CCR3: variants seen among roughly 807,000 people sequenced by gnomAD.
The protein encoded by CCR3 is C-C motif chemokine receptor 3.
For synonymous variants in CCR3, 203 were observed against 179.2 expected, an observed-to-expected ratio of 1.13 and a Z score of -1.06; for missense variants, 419 against 437.5, an observed-to-expected ratio of 0.96 and a Z score of 0.38.
intron 1 of CCR3, among the ~76,000 whole-genome samples, chr3:46,261,013 A>G (rs1700516801): frequency 6.6e-6 from 1 of 152,120 alleles, no homozygotes; most frequent in African/African-American, 2.4e-5. Flanking sequence ...TCTCCCTCCT[A>G]CTTTCTATGT....
chr3:46,211,733 GCA>G (rs1194222163), intron 2 of CCR3, among the ~76,000 whole-genome samples: 1 of 151,954 alleles, frequency 6.6e-6, no homozygotes, highest in Non-Finnish European at 1.5e-5. Flanking sequence ...TAGAACACAC[GCA>G]CACACACACT....
chr3:46,232,214 C>A (rs924025158), intron 2 of CCR3, among the ~76,000 whole-genome samples: 2 of 152,170 alleles, frequency 1.3e-5, no homozygotes, highest in African/African-American at 4.8e-5. Flanking sequence ...AGCAACAACA[C>A]AATCCCTCAC....
intron 2 of CCR3, among the ~76,000 whole-genome samples, chr3:46,222,729 C>T (rs1699851285): frequency 6.6e-6 from 1 of 152,194 alleles, no homozygotes; most frequent in African/African-American, 2.4e-5. Context: ...TTTTATTTAC[C>T]GCTTGTCAGA....
chr3:46,237,615 A>C (rs1304992028), upstream of CCR3, among the ~76,000 whole-genome samples: 1 of 152,168 alleles, frequency 6.6e-6, no homozygotes, highest in Non-Finnish European at 1.5e-5. Context: ...ATTTTTGTGA[A>C]AGATAGGGGT....
intron 2 of CCR3, among the ~76,000 whole-genome samples, chr3:46,230,444 C>T (rs1056182954): frequency 1.3e-5 from 2 of 152,078 alleles, no homozygotes; most frequent in Non-Finnish European, 2.9e-5. Context: ...GCCACATCAA[C>T]GGACCTCCAG....
chr3:46,242,963 G>GTATATATATATATATACACACA (rs1700112348), intron 1 of CCR3, among the ~76,000 whole-genome samples: 2 of 86,298 alleles, frequency 2.3e-5, no homozygotes, highest in Non-Finnish European at 4.4e-5. Context: ...ATATATATGT[G>GTATATATATATATATACACACA]TATATATATA....
chr3:46,247,594 G>A (rs1700221716), intron 1 of CCR3, among the ~76,000 whole-genome samples: 2 of 152,250 alleles, frequency 1.3e-5, no homozygotes, highest in Admixed American at 6.5e-5. Flanking sequence ...AAAACTGCTT[G>A]GCTGATTTGA....
At chr3:46,223,917 G>A (rs1457119633) in intron 2 of CCR3, among the ~76,000 whole-genome samples, 5 of 152,100 alleles carry the variant, frequency 3.3e-5, no homozygotes, top group Admixed American at 6.5e-5. Flanking sequence ...CAGAGGTGTC[G>A]GTAAATAGAG....
intron 2 of CCR3, among the ~76,000 whole-genome samples, chr3:46,217,111 G>A (rs1343673675): frequency 6.6e-6 from 1 of 152,088 alleles, no homozygotes; most frequent in Non-Finnish European, 1.5e-5. Context: ...AAAGTGAGGG[G>A]GAGGGAAGAC....
At chr3:46,229,663 G>GAA (rs1699940062) in intron 2 of CCR3, among the ~76,000 whole-genome samples, 1 of 152,100 alleles carries the variant, frequency 6.6e-6, no homozygotes, top group Admixed American at 6.5e-5. Flanking sequence ...TAACAGATGT[G>GAA]TACAGCTGTC....
intron 2 of CCR3, among the ~76,000 whole-genome samples, chr3:46,228,023 G>A (rs890815883): frequency 2.0e-5 from 3 of 152,092 alleles, no homozygotes; most frequent in African/African-American, 7.2e-5. Flanking sequence ...AACATACCTA[G>A]AGAAGATTTG....
chr3:46,265,926 T>A lies in CCR3; in HGVS notation c.768T>A (p.Asn256Lys). 2 of 1,614,170 alleles carry A rather than the reference T, an allele frequency of 1.2e-6. No homozygotes were observed. The highest frequency in any genetic ancestry group is 1.7e-6 in the Non-Finnish European group (2 of 1,180,020). Residue 256 changes from asparagine (N) to lysine (K), a missense_variant, in exon 2 of 2, where the codon AAT becomes AAA. Asn to Lys is a moderately conservative substitution (Grantham distance 94). Transcript: ENST00000395940. ...TTTTCATTTTCTGGACACCCTACAATGTGGCTATCCTTCTCTCTTCCTATC... is the reference window on the plus strand; with the variant it reads ...TTTTCATTTTCTGGACACCCTACAAAGTGGCTATCCTTCTCTCTTCCTATC... ...AVFFIFWTPY[N>K]VAILLSSYQS... is the part of the protein sequence containing the mutation.
intron 1 of CCR3, among the ~76,000 whole-genome samples, chr3:46,248,192 G>A (rs1036000399): frequency 3.9e-5 from 6 of 152,178 alleles, no homozygotes; most frequent in African/African-American, 1.4e-4. Context: ...AGGCTGGACT[G>A]AAGTCCGGGC....
At chr3:46,236,983 T>G (rs1296291064) in intron 2 of CCR3, among the ~76,000 whole-genome samples, 1 of 152,238 alleles carries the variant, frequency 6.6e-6, no homozygotes, top group East Asian at 1.9e-4. Context: ...TGTCTTTCTA[T>G]GCCTGGCTTA....
chr3:46,239,239 A>C (rs375864497), upstream of CCR3, among the ~76,000 whole-genome samples: 1 of 152,224 alleles, frequency 6.6e-6, no homozygotes, highest in Admixed American at 6.5e-5. Flanking sequence ...AATTTTTACA[A>C]TCTCTTGCGA....
chr3:46,218,997 G>A (rs1699805053), intron 2 of CCR3, among the ~76,000 whole-genome samples: 1 of 152,104 alleles, frequency 6.6e-6, no homozygotes, highest in Non-Finnish European at 1.5e-5. Context: ...ACAAGAGAAA[G>A]AAACAAAGGC....
At chr3:46,236,499 C>A (rs1349340405) in intron 2 of CCR3, among the ~76,000 whole-genome samples, 1 of 152,236 alleles carries the variant, frequency 6.6e-6, no homozygotes, top group Non-Finnish European at 1.5e-5. Flanking sequence ...TCCATGTAAC[C>A]TCTCCACCCT....
intron 1 of CCR3, among the ~76,000 whole-genome samples, chr3:46,259,924 C>T (rs114771928): frequency 0.022 from 3,351 of 152,240 alleles, 110 homozygotes; most frequent in African/African-American, 0.07. Context: ...CTGATGAAGA[C>T]ATACCTGTGA....
intron 2 of CCR3, among the ~76,000 whole-genome samples, chr3:46,231,996 A>G (rs1398815740): frequency 6.6e-6 from 1 of 152,192 alleles, no homozygotes. Flanking sequence ...GTTCCTGTTT[A>G]TTGGAAGTGC....
Sources: allele counts gnomAD v4.1 joint callset (sites outside exome capture counted in the v4.1 genomes callset), GRCh38; gene constraint gnomAD v4.1.1; transcripts MANE v1.5; gene names NCBI Gene and HGNC (gene_info 2026-07-23, HGNC 2026-07-21).